Variants in AGT observed in about 807,000 individuals in gnomAD.
The protein encoded by AGT is alpha-1 antiproteinase, antitrypsin.
Under a neutral mutation model 28.1 loss-of-function variants are expected in AGT, and 26 were observed. That is an observed-to-expected ratio of 0.92 (90% CI 0.68 to 1.28). The LOEUF (loss-of-function observed/expected upper bound fraction) is 1.28. Ranked by LOEUF, AGT falls within the 50% of genes most tolerant of loss-of-function variation. The pLI, the probability that AGT is intolerant of heterozygous loss-of-function variation, is 0.00. For synonymous variants in AGT, 259 were observed against 259.6 expected (o/e 1.00, Z 0.02); for missense variants, 596 against 592.3 (o/e 1.01, Z -0.06).
At chr1:230,717,053 A>T (rs1002302242), upstream of AGT, among the ~76,000 whole-genome samples, 2 of 142,036 alleles carry the variant, frequency 1.4e-5, no homozygotes, top group African/African-American at 5.1e-5. Flanking sequence ...AGCCACTTTG[A>T]CACAGCCCTA....
intron 1 of AGT, among the ~76,000 whole-genome samples, chr1:230,728,359 T>C (rs1663990250): frequency 6.6e-6 from 1 of 152,202 alleles, no homozygotes; most frequent in Admixed American, 6.5e-5. Context: ...GGCCTTTCAT[T>C]AGTTTTACAA....
At chr1:230,727,011 T>A (rs1663957661) in intron 1 of AGT, among the ~76,000 whole-genome samples, 1 of 152,202 alleles carries the variant, frequency 6.6e-6, no homozygotes, top group South Asian at 2.1e-4. Context: ...GTCATGTGAA[T>A]GGTGACCTTC....
At chr1:230,733,004 G>A (rs996159256) in intron 1 of AGT, among the ~76,000 whole-genome samples, 1 of 152,008 alleles carries the variant, frequency 6.6e-6, no homozygotes, top group Non-Finnish European at 1.5e-5. Flanking sequence ...AGTCCCTGCT[G>A]GTCTCGGTGG....
intron 1 of AGT, among the ~76,000 whole-genome samples, chr1:230,712,322 G>C (rs531960600): frequency 6.6e-6 from 1 of 152,096 alleles, no homozygotes; most frequent in Non-Finnish European, 1.5e-5. Context: ...CCCTCAACAC[G>C]GTGCAGCTGC....
At chr1:230,741,377 C>T (rs1021518153) in intron 1 of AGT, among the ~76,000 whole-genome samples, 1 of 152,200 alleles carries the variant, frequency 6.6e-6, no homozygotes, top group Admixed American at 6.5e-5. Context: ...ACCACCAGGT[C>T]GTCCACGAGC....
chr1:230,731,804 T>C (rs1180465554), intron 1 of AGT, among the ~76,000 whole-genome samples: 1 of 151,856 alleles, frequency 6.6e-6, no homozygotes, highest in African/African-American at 2.4e-5. Context: ...GAGGCGGAGG[T>C]TGCAACGAAC....
At chr1:230,723,492 A>G (rs1338936633) in intron 1 of AGT, among the ~76,000 whole-genome samples, 1 of 152,120 alleles carries the variant, frequency 6.6e-6, no homozygotes, top group African/African-American at 2.4e-5. Flanking sequence ...GCTTTTTACA[A>G]TTGTTTTAGT....
At chr1:230,706,852 G>A (rs1353699310) in intron 2 of AGT, among the ~76,000 whole-genome samples, 3 of 152,078 alleles carry the variant, frequency 2.0e-5, no homozygotes, top group Non-Finnish European at 2.9e-5. Flanking sequence ...GGCCACCACC[G>A]CACTATCCCA....
At chr1:230,741,917 G>C (rs1259483715) in intron 1 of AGT, among the ~76,000 whole-genome samples, 1 of 152,178 alleles carries the variant, frequency 6.6e-6, no homozygotes, top group Non-Finnish European at 1.5e-5. Context: ...TAAGGCTAGT[G>C]TTGTGGTGTA....
intron 4 of AGT, 150 bp from the exon 5 acceptor site, chr1:230,703,479 T>C (rs1227237391): frequency 2.4e-6 from 2 of 818,730 alleles, no homozygotes; most frequent in Non-Finnish European, 4.1e-6. Flanking sequence ...GGATGCACAG[T>C]GTATGCCTGC....
chr1:230,723,850 T>C (rs1313767125), intron 1 of AGT, among the ~76,000 whole-genome samples: 2 of 152,224 alleles, frequency 1.3e-5, no homozygotes, highest in African/African-American at 2.4e-5. Flanking sequence ...TGGTGATATA[T>C]GCATTGTTGG....
rs952370878 is a variant in AGT, at chr1:230,739,198, G to T, written c.-31+6317C>A. 1.7e-4 allele frequency among the ~76,000 whole-genome samples: 25 copies of T among 143,866 alleles called. 1 individual carries two copies. Among genetic ancestry groups the T allele is most frequent in the South Asian group, 4.6e-4 (2 of 4,382 alleles). The allele number at this position is 143,866 out of a possible 152,430, so 94.4% of individuals were successfully genotyped here. A position where few individuals can be genotyped will look rare whatever the true frequency, so the allele number is the denominator to read the frequency against. On this transcript the variant is annotated intron_variant, in intron 1 of 4. Coordinates refer to the AGT transcript ENST00000681269. ...CATACTGAGACTCCCTCCTCTACAG[G>T]TTTTTTTTTTTTTTTAATTAGCTGG...
At chr1:230,729,892 T>C (rs1370616430) in intron 1 of AGT, among the ~76,000 whole-genome samples, 1 of 152,040 alleles carries the variant, frequency 6.6e-6, no homozygotes, top group Non-Finnish European at 1.5e-5. Context: ...CTGGGCACGG[T>C]GGCTCACGCC....
chr1:230,710,465 T>G lies in AGT; in HGVS notation c.359A>C (p.His120Pro), dbSNP rs756283153. ...CGTTGGGGAGAGGACGGTGGCCCCATGGACCACGCCCCATAGCTCACTGTG... is the reference window on the plus strand; with the variant it reads ...CGTTGGGGAGAGGACGGTGGCCCCAGGGACCACGCCCCATAGCTCACTGTG... ...GMHSELWGVV[H>P]GATVLSPTAV... Residue 120 changes from histidine to proline, a missense_variant, in exon 2 of 5, where the codon CAT (histidine) becomes CCT (proline). By Grantham distance (77) the His-to-Pro change is moderately conservative (BLOSUM62 -2). Coordinates refer to ENST00000366667, the MANE Select transcript of AGT (RefSeq NM_001384479.1). The G allele has an allele frequency of 6.2e-7, 1 of 1,614,178 alleles. No homozygotes were observed. Among genetic ancestry groups the G allele is most frequent in the South Asian group, 1.1e-5 (1 of 91,086 alleles).
chr1:230,704,328 G>A lies in AGT; in HGVS notation c.1107C>T (p.His369=). The A allele has an allele frequency of 2.5e-6, 4 of 1,614,210 alleles. No homozygotes were observed. In the South Asian group the frequency reaches 4.4e-5, roughly 18 times the overall value. ...GCAGCACCAGTTGGGGCATGGTCAG[G>A]TGGATGGTCCTGGGGAGATGATGCA... The part of the protein sequence containing the change: ...WMKKLSPRTI[H]LTMPQLVLQG... The change falls in exon 4 of 5, where the codon CAC becomes CAT. Residue 369 remains histidine (H), a synonymous_variant. Coordinates refer to ENST00000366667, the MANE Select transcript of AGT (RefSeq NM_001384479.1).
At chr1:230,735,784 C>T (rs1297567586) in intron 1 of AGT, among the ~76,000 whole-genome samples, 1 of 152,318 alleles carries the variant, frequency 6.6e-6, no homozygotes, top group Admixed American at 6.5e-5. Context: ...GAAACTGCTT[C>T]TCCTTCACCC....
At chr1:230,744,577 T>C (rs1664307442) in intron 1 of AGT, among the ~76,000 whole-genome samples, 2 of 152,174 alleles carry the variant, frequency 1.3e-5, no homozygotes, top group African/African-American at 2.4e-5. Context: ...TCTGGAGGAT[T>C]GTTAAACCTT....
chr1:230,705,958 T>C lies in AGT; in HGVS notation c.1072A>G (p.Asn358Asp). ...CGGGGAGATAGTTTCTTCATCCAGT[T>C]GAGGGAGTTTTGCTGGAAAGTGAGA... ...EGLTFQQNSL[N>D]WMKKLSPRTI... Residue 358 changes from asparagine (N) to aspartate (D), a missense_variant, in exon 3 of 5, where the codon AAC (asparagine) becomes GAC (aspartate). Transcript: ENST00000366667. 2 of 1,614,004 alleles carry C rather than the reference T, an allele frequency of 1.2e-6. No individual in the cohort carries two copies. The highest frequency in any genetic ancestry group is 1.7e-6 in the Non-Finnish European group (2 of 1,179,956).
intron 2 of AGT, among the ~76,000 whole-genome samples, chr1:230,708,695 C>T (rs1395100788): frequency 6.6e-6 from 1 of 152,166 alleles, no homozygotes; most frequent in African/African-American, 2.4e-5. Flanking sequence ...CTTAGACACA[C>T]CCCTCAGCCC....
Sources: gnomAD v4.1 joint callset for allele counts (sites outside exome capture counted in the v4.1 genomes callset) on GRCh38, gnomAD v4.1.1 for gene constraint, MANE v1.5 for transcripts, NCBI Gene and HGNC (gene_info 2026-07-23, HGNC 2026-07-21) for gene names.